Variants in NLGN4Y observed in about 807,000 individuals in gnomAD.
NLGN4Y encodes the protein neuroligin-4, Y-linked.
In NLGN4Y, 4 loss-of-function variants were observed where a neutral mutation model predicts 8.4. The ratio of observed to expected loss-of-function variants is 0.48; its 90% confidence interval spans 0.23 to 1.09. The LOEUF (loss-of-function observed/expected upper bound fraction) is 1.09, where lower values mean the gene tolerates loss of function less well. Among genes scored for constraint, NLGN4Y ranks in the 50% least tolerant of loss-of-function variants. The pLI is 0.19. For synonymous variants in NLGN4Y, 35 were observed against 75.6 expected (o/e 0.46, Z 2.78); for missense variants, 90 against 192.3 (o/e 0.47, Z 3.15).
intron 4 of NLGN4Y, among the ~76,000 whole-genome samples, chrY:14,772,467 G>A (rs2081110613): frequency 3.0e-5 from 1 of 32,946 alleles, no homozygotes; most frequent in Non-Finnish European, 7.5e-5. Flanking sequence ...ATTCACAGTC[G>A]AATTCTACCA....
chrY:14,572,402 C>G, intron 1 of NLGN4Y, among the ~76,000 whole-genome samples: 1 of 29,064 alleles, frequency 3.4e-5, no homozygotes, highest in Non-Finnish European at 8.1e-5. Flanking sequence ...CTCTGTTTGT[C>G]TGTTATTGGT....
intron 4 of NLGN4Y, among the ~76,000 whole-genome samples, chrY:14,816,710 C>T: frequency 3.0e-5 from 1 of 33,600 alleles, no homozygotes; most frequent in Non-Finnish European, 7.4e-5. Context: ...TCTCCACAAA[C>T]GAACTTCCAT....
intron 4 of NLGN4Y, among the ~76,000 whole-genome samples, chrY:14,736,905 G>T (rs766297949): frequency 3.0e-5 from 1 of 32,987 alleles, no homozygotes; most frequent in African/African-American, 1.2e-4. Flanking sequence ...ACATGAGAAT[G>T]GACTAATATC....
At chrY:14,703,301 C>T (rs2080862244) in intron 2 of NLGN4Y, among the ~76,000 whole-genome samples, 1 of 33,463 alleles carries the variant, frequency 3.0e-5, no homozygotes, top group African/African-American at 1.2e-4. Context: ...TTAGGTCTAA[C>T]ATTTAAGTCT....
chrY:14,731,025 GTGTGTGTA>G (rs2080970490), intron 4 of NLGN4Y, among the ~76,000 whole-genome samples: 3 of 29,497 alleles, frequency 1.0e-4, no homozygotes, highest in East Asian at 2.0e-3. Context: ...GTGTGTGTGT[GTGTGTGTA>G]TAGTTCTTGT....
At chrY:14,538,056 G>A in intron 1 of NLGN4Y, among the ~76,000 whole-genome samples, 1 of 34,076 alleles carries the variant, frequency 2.9e-5, no homozygotes, top group South Asian at 6.6e-4. Context: ...CTTTCAATTT[G>A]GAAAGGTAAA....
intron 4 of NLGN4Y, among the ~76,000 whole-genome samples, chrY:14,749,044 A>G (rs2081034069): frequency 3.1e-5 from 1 of 32,379 alleles, no homozygotes; most frequent in Non-Finnish European, 7.5e-5. Context: ...GAATGTGGTC[A>G]TATATTTCAC....
chrY:14,650,667 A>G, intron 2 of NLGN4Y, among the ~76,000 whole-genome samples: 1 of 33,203 alleles, frequency 3.0e-5, no homozygotes, highest in African/African-American at 1.2e-4. Context: ...TGCTTTTGAC[A>G]CATGAAAGAA....
At chrY:14,785,950 G>A (rs2042966213) in intron 4 of NLGN4Y, among the ~76,000 whole-genome samples, 2 of 33,275 alleles carry the variant, frequency 6.0e-5, no homozygotes, top group Non-Finnish European at 1.5e-4. Flanking sequence ...AGAAAAGTCA[G>A]TTGAAATGTA....
At chrY:14,633,168 C>A (rs1025242084) in intron 2 of NLGN4Y, among the ~76,000 whole-genome samples, 6 of 33,351 alleles carry the variant, frequency 1.8e-4, no homozygotes, top group African/African-American at 3.5e-4. Flanking sequence ...ACTTTAGGTA[C>A]ATCTAGTCCA....
intron 4 of NLGN4Y, among the ~76,000 whole-genome samples, chrY:14,747,235 G>T (rs2081026880): frequency 3.1e-5 from 1 of 32,585 alleles, no homozygotes; most frequent in Non-Finnish European, 7.5e-5. Context: ...TCTGTCTTGG[G>T]CCAGATCTCT....
intron 1 of NLGN4Y, among the ~76,000 whole-genome samples, chrY:14,540,547 G>A: frequency 3.0e-5 from 1 of 33,274 alleles, no homozygotes; most frequent in African/African-American, 1.2e-4. Context: ...CACCCAGCGG[G>A]GGCCAACGGA....
At chrY:14,734,818 A>T in intron 4 of NLGN4Y, among the ~76,000 whole-genome samples, 3 of 34,111 alleles carry the variant, frequency 8.8e-5, no homozygotes, top group Non-Finnish European at 2.2e-4. Context: ...ATATAAAATC[A>T]ATGTATACTC....
At chrY:14,712,500 T>G (rs2080902696) in intron 2 of NLGN4Y, among the ~76,000 whole-genome samples, 1 of 33,129 alleles carries the variant, frequency 3.0e-5, no homozygotes, top group Admixed American at 2.7e-4. Context: ...CAACCTATGC[T>G]TTCCCTCAGA....
chrY:14,587,058 GTTAT>G (rs2080344171), intron 1 of NLGN4Y, among the ~76,000 whole-genome samples: 2 of 33,095 alleles, frequency 6.0e-5, no homozygotes, highest in African/African-American at 1.2e-4. Flanking sequence ...TTGAAATGGA[GTTAT>G]TTGTTATTGT....
chrY:14,590,139 C>T, intron 1 of NLGN4Y, among the ~76,000 whole-genome samples: 1 of 34,359 alleles, frequency 2.9e-5, no homozygotes, highest in African/African-American at 1.1e-4. Context: ...GTGCTGCACG[C>T]AGCCCCAGTT....
At chrY:14,728,894 A>G (rs2080963246) in intron 4 of NLGN4Y, among the ~76,000 whole-genome samples, 1 of 33,604 alleles carries the variant, frequency 3.0e-5, no homozygotes, top group South Asian at 6.7e-4. Flanking sequence ...AAAATAGCTA[A>G]AATGATAAAA....
chrY:14,601,929 T>TA (rs2080428605), intron 1 of NLGN4Y, among the ~76,000 whole-genome samples: 3 of 29,086 alleles, frequency 1.0e-4, no homozygotes, highest in Admixed American at 3.1e-4. Context: ...ATAAGGGGGT[T>TA]AAAAAAAAAA....
chrY:14,605,519 A>T, intron 1 of NLGN4Y, among the ~76,000 whole-genome samples: 1 of 32,669 alleles, frequency 3.1e-5, no homozygotes, highest in African/African-American at 1.2e-4. Flanking sequence ...TATATATATA[A>T]AACAATTAAT....
Sources: gnomAD v4.1 joint callset for allele counts (sites outside exome capture counted in the v4.1 genomes callset) on GRCh38, gnomAD v4.1.1 for gene constraint, MANE v1.5 for transcripts, NCBI Gene and HGNC (gene_info 2026-07-23, HGNC 2026-07-21) for gene names.